Variants in VPS13B observed in about 807,000 individuals in gnomAD.
VPS13B encodes vacuolar protein sorting 13 homolog B.
VPS13B carries 285 observed loss-of-function variants against 426.4 expected under a neutral mutation model. The ratio of observed to expected loss-of-function variants is 0.67; its 90% CI spans 0.61 to 0.74. The LOEUF is 0.74. Ranked by LOEUF, VPS13B falls within the 30% of genes least tolerant of loss-of-function variation. The pLI is 0.00. For missense variants in VPS13B, 4,537 were observed against 4,782.6 expected (o/e 0.95, Z 1.51); for synonymous variants, 1,676 against 1,676.4 (o/e 1.00, Z 0.01).
At position 99,832,391 on chromosome 8, in the gene VPS13B, C is replaced by G; in HGVS notation, c.9353C>G (p.Ala3118Gly). 1 of 1,228,674 alleles carries G rather than the reference C, an allele frequency of 8.1e-7. No individual in the cohort carries two copies. Among genetic ancestry groups the G allele is most frequent in the Non-Finnish European group, 1.1e-6 (1 of 931,922 alleles). The allele number at this position is 1,228,674 out of a possible 1,614,324, so 76.1% of individuals were successfully genotyped here. A position where few individuals can be genotyped will look rare whatever the true frequency, so the allele number is the denominator to read the frequency against. The change falls in exon 52 of 62, where the codon GCT becomes GGT. Residue 3118 changes from alanine to glycine, a missense_variant. Coordinates refer to ENST00000357162, the MANE Select transcript of VPS13B (RefSeq NM_152564.5). Reference sequence around the variant, plus strand: ...TAGTATTTTCGTGTTCCAGACAGTGCTACTTTTAGCATTTGCCCAGGTGGA... The same window carrying G: ...TAGTATTTTCGTGTTCCAGACAGTGGTACTTTTAGCATTTGCCCAGGTGGA... ...GKEYFRVPDS[A>G]TFSICPGGEQ...
chr8:99,817,417 T>C, intron 44 of VPS13B, 123 bp from the exon 45 acceptor site: 1 of 1,322,832 alleles, frequency 7.6e-7, no homozygotes, highest in Admixed American at 2.0e-5. Flanking sequence ...TTGTACTGTT[T>C]AAGCTAATTA....
intron 17 of VPS13B, among the ~76,000 whole-genome samples, chr8:99,225,643 G>A (rs527906535): frequency 3.6e-4 from 55 of 152,280 alleles, no homozygotes; most frequent in African/African-American, 1.3e-3. Flanking sequence ...CATCTTGTAA[G>A]TCATCATGTT....
chr8:99,862,920 G>A (rs1175902664), intron 58 of VPS13B, among the ~76,000 whole-genome samples: 1 of 152,196 alleles, frequency 6.6e-6, no homozygotes, highest in Non-Finnish European at 1.5e-5. Flanking sequence ...TGGAAACTGG[G>A]AAGCTGGTGA....
intron 19 of VPS13B, among the ~76,000 whole-genome samples, chr8:99,284,498 G>A (rs1276840234): frequency 6.6e-6 from 1 of 152,104 alleles, no homozygotes; most frequent in East Asian, 1.9e-4. Context: ...TTTGGGTTCA[G>A]CTTCATCCAT....
At chr8:99,496,309 A>G (rs1462060328) in intron 25 of VPS13B, among the ~76,000 whole-genome samples, 2 of 152,198 alleles carry the variant, frequency 1.3e-5, no homozygotes, top group Non-Finnish European at 2.9e-5. Context: ...TAAAATTTTT[A>G]TGCTATTTTG....
intron 23 of VPS13B, among the ~76,000 whole-genome samples, chr8:99,458,671 G>A (rs995341418): frequency 2.6e-5 from 4 of 152,210 alleles, no homozygotes; most frequent in Non-Finnish European, 4.4e-5. Flanking sequence ...GATGGCCAGT[G>A]ATGATGAGCA....
chr8:99,137,235 T>G (rs1054425657), intron 12 of VPS13B, among the ~76,000 whole-genome samples: 1 of 148,766 alleles, frequency 6.7e-6, no homozygotes, highest in Non-Finnish European at 1.5e-5. Context: ...AAATGACGTT[T>G]AAAACATTTC....
At chr8:99,384,526 G>C (rs1814010968) in intron 20 of VPS13B, among the ~76,000 whole-genome samples, 1 of 152,144 alleles carries the variant, frequency 6.6e-6, no homozygotes, top group Non-Finnish European at 1.5e-5. Context: ...TATTAAAGGG[G>C]CTTTCTGTAC....
chr8:99,874,343 C>T (rs1817584210), intron 61 of VPS13B, among the ~76,000 whole-genome samples: 1 of 152,130 alleles, frequency 6.6e-6, no homozygotes, highest in Admixed American at 6.5e-5. Flanking sequence ...CTTTGGGGAC[C>T]GTTTTTCCCC....
At chr8:99,458,839 A>G (rs1383241102) in intron 23 of VPS13B, among the ~76,000 whole-genome samples, 4 of 152,080 alleles carry the variant, frequency 2.6e-5, no homozygotes, top group South Asian at 2.1e-4. Flanking sequence ...AGATGAGTAG[A>G]TTGCAAAAAT....
At chr8:99,719,921 G>T (rs548899868) in intron 37 of VPS13B, among the ~76,000 whole-genome samples, 2 of 152,180 alleles carry the variant, frequency 1.3e-5, no homozygotes, top group East Asian at 3.9e-4. Context: ...CTATAATAAG[G>T]ATTGCTTATT....
At chr8:99,794,303 T>C (rs1353155302) in intron 43 of VPS13B, among the ~76,000 whole-genome samples, 1 of 152,112 alleles carries the variant, frequency 6.6e-6, no homozygotes, top group African/African-American at 2.4e-5. Flanking sequence ...AAGTGAGCAT[T>C]CCCAAGGAGA....
At chr8:99,023,765 C>G (rs995668296) in intron 2 of VPS13B, among the ~76,000 whole-genome samples, 11 of 152,174 alleles carry the variant, frequency 7.2e-5, no homozygotes, top group Non-Finnish European at 1.5e-4. Flanking sequence ...AGGTGTGAGC[C>G]ACTGCACCCA....
At chr8:99,239,172 C>A (rs1365273479) in intron 17 of VPS13B, among the ~76,000 whole-genome samples, 4 of 152,140 alleles carry the variant, frequency 2.6e-5, no homozygotes, top group African/African-American at 7.2e-5. Flanking sequence ...AATTCAGATA[C>A]TAATGACTGA....
chr8:99,200,327 A>T (rs1005653308), intron 17 of VPS13B, among the ~76,000 whole-genome samples: 3 of 151,910 alleles, frequency 2.0e-5, no homozygotes, highest in African/African-American at 7.3e-5. Context: ...CATTGTTTCT[A>T]CTTCTGAATA....
chr8:99,308,790 G>C (rs566141690), intron 19 of VPS13B, among the ~76,000 whole-genome samples: 46 of 152,108 alleles, frequency 3.0e-4, no homozygotes, highest in Admixed American at 6.6e-4. Flanking sequence ...AGTTTACAGT[G>C]CCACCAACAG....
chr8:99,701,773 T>C (rs1832293585), intron 36 of VPS13B, among the ~76,000 whole-genome samples: 1 of 152,184 alleles, frequency 6.6e-6, no homozygotes, highest in African/African-American at 2.4e-5. Context: ...AATTTTGTTA[T>C]GAGACTATAA....
intron 19 of VPS13B, among the ~76,000 whole-genome samples, chr8:99,286,656 A>T (rs537408343): frequency 6.6e-6 from 1 of 152,320 alleles, no homozygotes; most frequent in South Asian, 2.1e-4. Flanking sequence ...GCAGAGTAAC[A>T]TAGAGTCAGA....
intron 39 of VPS13B, among the ~76,000 whole-genome samples, chr8:99,726,349 G>A (rs1833350183): frequency 6.6e-6 from 1 of 152,170 alleles, no homozygotes. Context: ...GTGTTGTGCA[G>A]TTTAAATGGG....
Sources: allele counts gnomAD v4.1 joint callset (sites outside exome capture counted in the v4.1 genomes callset), GRCh38; gene constraint gnomAD v4.1.1; transcripts MANE v1.5; gene names NCBI Gene and HGNC (gene_info 2026-07-23, HGNC 2026-07-21).